Variants in ATP10B observed in about 807,000 individuals in gnomAD.
The protein encoded by ATP10B is phospholipid-transporting ATPase VB.
A neutral mutation model predicts 141.2 loss-of-function variants in ATP10B; 122 were observed. That is an observed-to-expected ratio of 0.86 (90% CI 0.75 to 1.00). The LOEUF (loss-of-function observed/expected upper bound fraction) is 1.00. ATP10B is among the 50% of genes least tolerant of loss of function. The pLI is 0.00. For synonymous variants in ATP10B, 685 were observed against 692.0 expected (o/e 0.99, Z 0.16); for missense variants, 1,876 against 1,825.3 (o/e 1.03, Z -0.51).
At position 160,615,826 on chromosome 5, in the gene ATP10B, AT is replaced by A. The variant is rs758587054; in HGVS notation, c.2653+11del. ...TCCTTTTTTCCTATAATAATGACTT[AT>A]TTTTAGCTACCAAGTAAGGTGAGTT... On this transcript the variant is annotated intron_variant, in intron 17 of 25. Coordinates refer to ENST00000327245, the MANE Select transcript of ATP10B (RefSeq NM_025153.3). 5.0e-6 allele frequency: 8 copies of A among 1,607,578 alleles called. No individual in the cohort carries two copies. The highest frequency in any genetic ancestry group is 6.8e-6 in the Non-Finnish European group (8 of 1,174,978).
intron 3 of ATP10B, among the ~76,000 whole-genome samples, chr5:160,693,629 C>T (rs931154643): frequency 4.6e-5 from 7 of 152,160 alleles, no homozygotes; most frequent in African/African-American, 1.7e-4. Flanking sequence ...AGGTCTTCAA[C>T]CTTTTTGGCA....
At chr5:160,671,183 A>C (rs1445526599) in intron 6 of ATP10B, among the ~76,000 whole-genome samples, 2 of 151,036 alleles carry the variant, frequency 1.3e-5, no homozygotes, top group Non-Finnish European at 3.0e-5. Flanking sequence ...AAAAAAAAAA[A>C]AAAAAAAAAC....
At chr5:160,671,101 G>A (rs1157262519) in intron 6 of ATP10B, among the ~76,000 whole-genome samples, 1 of 144,048 alleles carries the variant, frequency 6.9e-6, no homozygotes, top group Non-Finnish European at 1.5e-5. Flanking sequence ...GGAGGCGGAG[G>A]TTGCAGTGAG....
chr5:160,816,592 A>T (rs972306043), intron 1 of ATP10B, among the ~76,000 whole-genome samples: 10 of 152,238 alleles, frequency 6.6e-5, no homozygotes, highest in Non-Finnish European at 1.5e-4. Context: ...GGCTGGTACC[A>T]TACTTTCTGA....
At chr5:160,900,610 T>C in the ATP10B span, among the ~76,000 whole-genome samples, 1 of 152,206 alleles carries the variant, frequency 6.6e-6, no homozygotes, top group Non-Finnish European at 1.5e-5. Context: ...GAAGTATTGT[T>C]TATGAAATGT....
Position 160,796,768 on chromosome 5 carries a change from G to C in ATP10B, c.-575-10965C>G, listed in dbSNP as rs577067230. On this transcript the variant is annotated intron_variant, in intron 1 of 25. Coordinates refer to ENST00000327245, the MANE Select transcript of ATP10B (RefSeq NM_025153.3). Reference sequence around the variant, plus strand: ...CTTATGGGAAGGGAGGATCTTGAGAGTGGACTCCTCACACAGGTACCTCCC... The same window carrying C: ...CTTATGGGAAGGGAGGATCTTGAGACTGGACTCCTCACACAGGTACCTCCC... Among the ~76,000 whole-genome samples, 18 of 152,278 alleles carry C rather than the reference G, an allele frequency of 1.2e-4. No individual in the cohort carries two copies. The East Asian group carries it at 3.1e-3, about 26-fold the overall frequency.
chr5:160,783,900 T>C (rs1250381092), intron 2 of ATP10B, among the ~76,000 whole-genome samples: 1 of 152,108 alleles, frequency 6.6e-6, no homozygotes, highest in African/African-American at 2.4e-5. Context: ...ACATTTATTG[T>C]TTTTTCATTT....
At chr5:160,673,846 T>C (rs904404488) in intron 6 of ATP10B, among the ~76,000 whole-genome samples, 2 of 152,184 alleles carry the variant, frequency 1.3e-5, no homozygotes, top group Non-Finnish European at 2.9e-5. Flanking sequence ...CTTACAGGCA[T>C]TGGAATGGTC....
At chr5:160,861,739 C>A in the ATP10B span, among the ~76,000 whole-genome samples, 20 of 151,810 alleles carry the variant, frequency 1.3e-4, no homozygotes, top group Non-Finnish European at 2.8e-4. Flanking sequence ...GTTCTCATAC[C>A]TTTTCGAATC....
In ATP10B at chr5:160,653,083, A is replaced by G. The variant is rs1423177096; in HGVS notation, c.676-3827T>C. 1.6e-4 allele frequency among the ~76,000 whole-genome samples: 20 copies of G among 124,638 alleles called. No individual in the cohort carries two copies. The South Asian group carries it at 2.6e-3, about 16-fold the overall frequency. The allele number at this position is 124,638 out of a possible 152,430, so 81.8% of individuals were successfully genotyped here. On this transcript the variant is annotated intron_variant, in intron 7 of 25. Transcript: ENST00000327245. ...ATATATTTATGTATATATAGTGTATATATTATATATACACGTGTATATATA... is the reference window on the plus strand; with the variant it reads ...ATATATTTATGTATATATAGTGTATGTATTATATATACACGTGTATATATA...
chr5:160,857,857 C>T, the ATP10B span, among the ~76,000 whole-genome samples: 2 of 151,794 alleles, frequency 1.3e-5, no homozygotes, highest in African/African-American at 4.8e-5. Flanking sequence ...TCATTATGGT[C>T]AGAGAATGCA....
intron 2 of ATP10B, among the ~76,000 whole-genome samples, chr5:160,782,834 T>C (rs1046108917): frequency 2.0e-5 from 3 of 152,008 alleles, no homozygotes; most frequent in African/African-American, 4.8e-5. Flanking sequence ...ATCTATAATA[T>C]TGAGTTCACA....
chr5:160,605,677 A>G (rs1298970407), intron 19 of ATP10B, among the ~76,000 whole-genome samples: 2 of 152,194 alleles, frequency 1.3e-5, no homozygotes, highest in Non-Finnish European at 2.9e-5. Flanking sequence ...CACGTTTAAT[A>G]GGGTTTCTAT....
chr5:160,588,664 C>T (rs1466679002), intron 24 of ATP10B, among the ~76,000 whole-genome samples: 1 of 152,130 alleles, frequency 6.6e-6, no homozygotes, highest in Non-Finnish European at 1.5e-5. Context: ...AACCTTATTG[C>T]ATCTGCCATA....
At chr5:160,765,423 A>G (rs1371878095) in intron 2 of ATP10B, among the ~76,000 whole-genome samples, 1 of 152,210 alleles carries the variant, frequency 6.6e-6, no homozygotes, top group Non-Finnish European at 1.5e-5. Flanking sequence ...ACTTATAGCC[A>G]ATGGATCTTC....
At chr5:160,904,506 T>TGTGG in the ATP10B span, among the ~76,000 whole-genome samples, 1 of 151,840 alleles carries the variant, frequency 6.6e-6, no homozygotes, top group Non-Finnish European at 1.5e-5. Flanking sequence ...TGGGTGTGCG[T>TGTGG]GTGTATGTTT....
At chr5:160,812,484 A>T (rs1773246300) in intron 1 of ATP10B, among the ~76,000 whole-genome samples, 1 of 152,224 alleles carries the variant, frequency 6.6e-6, no homozygotes, top group Non-Finnish European at 1.5e-5. Context: ...GTTTTGAGGA[A>T]ACTCCAAGAA....
In ATP10B at chr5:160,812,882, A is replaced by G. The variant is rs560614604; in HGVS notation, c.-575-27079T>C. Among the ~76,000 whole-genome samples, 9 of 152,354 alleles carry G rather than the reference A, an allele frequency of 5.9e-5. No homozygotes were observed. The South Asian group carries it at 1.7e-3, about 28-fold the overall frequency. On this transcript the variant is annotated intron_variant, in intron 1 of 25. Coordinates refer to ENST00000327245, the MANE Select transcript of ATP10B (RefSeq NM_025153.3). ...GAACTTCCCAAATCTAAGGAAACAT[A>G]TTAATATTCAAGCACAAGAAGGTTG...
intron 6 of ATP10B, 74 bp from the exon 7 acceptor site, chr5:160,670,741 G>C (rs1047958977): frequency 7.3e-7 from 1 of 1,370,988 alleles, no homozygotes; most frequent in African/African-American, 1.4e-5. Context: ...ATAGAGGAAG[G>C]TCCCACCAGC....
Sources: allele counts gnomAD v4.1 joint callset (sites outside exome capture counted in the v4.1 genomes callset), GRCh38; gene constraint gnomAD v4.1.1; transcripts MANE v1.5; gene names NCBI Gene and HGNC (gene_info 2026-07-23, HGNC 2026-07-21).